PTPRB: variants seen among roughly 807,000 people sequenced by gnomAD.
The protein encoded by PTPRB is protein tyrosine phosphatase receptor type B.
In PTPRB, 97 loss-of-function variants were observed where a neutral mutation model predicts 238.1. That is an observed-to-expected ratio of 0.41 (90% CI 0.35 to 0.48). The LOEUF (loss-of-function observed/expected upper bound fraction) is 0.48, where lower values mean the gene tolerates loss of function less well. Ranked by LOEUF, PTPRB falls within the 20% of genes least tolerant of loss-of-function variation. The probability of loss-of-function intolerance (pLI) is 0.30; values close to 1 mark genes in which losing one functional copy is unlikely to be tolerated. For missense variants in PTPRB, 2,292 were observed against 2,681.9 expected (o/e 0.85, Z 3.21); for synonymous variants, 970 against 995.4 (o/e 0.97, Z 0.48).
intron 6 of PTPRB, among the ~76,000 whole-genome samples, chr12:70,593,597 G>A (rs571943333): frequency 4.0e-5 from 6 of 149,222 alleles, no homozygotes; most frequent in African/African-American, 1.2e-4. Flanking sequence ...ATTTGCTCTT[G>A]ATGTACATAA....
At chr12:70,609,874 G>T (rs1884307456) in intron 3 of PTPRB, 2 of 1,514,058 alleles carry the variant, frequency 1.3e-6, no homozygotes, top group Admixed American at 2.0e-5. Flanking sequence ...ACGGCCCGAG[G>T]GCCGGGGCAG....
Position 70,636,024 on chromosome 12 carries a change from A to G in PTPRB, c.98T>C (p.Phe33Ser), listed in dbSNP as rs764808191. The change falls in exon 2 of 34, where the codon TTC becomes TCC. Residue 33 changes from phenylalanine (F) to serine (S), a missense_variant. By Grantham distance (155) the Phe-to-Ser change is radical (BLOSUM62 -2). This residue lies in a region of PTPRB where 1,205 missense variants were observed against 1,287.8 expected (regional missense o/e 0.94). Coordinates refer to ENST00000334414, the MANE Select transcript of PTPRB (RefSeq NM_001109754.4). The part of the protein sequence containing the change: ...IVHVQKQQCL[F>S]KNEKVVVGSC... Reference sequence around the variant, plus strand: ...GCCCACGACCACTTTCTCATTTTTGAAAAGACACTGTTGTTTCTGGACATG... The same window carrying G: ...GCCCACGACCACTTTCTCATTTTTGGAAAGACACTGTTGTTTCTGGACATG... 6.2e-7 allele frequency: 1 copy of G among 1,613,512 alleles called. No individual in the cohort carries two copies. Among genetic ancestry groups the G allele is most frequent in the South Asian group, 1.1e-5 (1 of 90,968 alleles).
intron 4 of PTPRB, among the ~76,000 whole-genome samples, chr12:70,603,836 G>A (rs1229605577): frequency 6.6e-6 from 1 of 152,112 alleles, no homozygotes; most frequent in Non-Finnish European, 1.5e-5. Flanking sequence ...AGCGGTAGAG[G>A]CAGTCTACCT....
intron 3 of PTPRB, 112 bp from the exon 4 acceptor site, chr12:70,609,451 T>G (rs1884250600): frequency 1.4e-6 from 2 of 1,382,696 alleles, no homozygotes; most frequent in East Asian, 4.6e-5. Context: ...CTTTGTCCCT[T>G]GCCTCAGCCA....
rs752378962 is a variant in PTPRB at position 70,556,117 on chromosome 12, C to A, written c.4746G>T (p.Arg1582=). ...KPDKIQNLHC[R]PQNSTAIACS... ...AGGCAATGGCCGTGGAGTTCTGAGG[C>A]CGGCAATGCAGGTTTTGTATCTTGT... The change falls in exon 19 of 34, where the codon CGG becomes CGT. Residue 1582 remains arginine (R), a synonymous_variant. Coordinates refer to ENST00000334414, the MANE Select transcript of PTPRB (RefSeq NM_001109754.4). 2 of 1,613,682 alleles carry A rather than the reference C, an allele frequency of 1.2e-6. No homozygotes were observed. Among genetic ancestry groups the A allele is most frequent in the Non-Finnish European group, 1.7e-6 (2 of 1,179,700 alleles).
At chr12:70,543,541 G>T (rs1875498639) in intron 22 of PTPRB, among the ~76,000 whole-genome samples, 2 of 152,160 alleles carry the variant, frequency 1.3e-5, no homozygotes, top group African/African-American at 2.4e-5. Flanking sequence ...TTGAAATTGG[G>T]AGATTATCCC....
At position 70,635,908 on chromosome 12, in the gene PTPRB, A is replaced by G; in HGVS notation, c.214T>C (p.Ser72Pro). 1 of 1,613,808 alleles carries G rather than the reference A, an allele frequency of 6.2e-7. No homozygotes were observed. Among genetic ancestry groups the G allele is most frequent in the Non-Finnish European group, 8.5e-7 (1 of 1,179,866 alleles). Residue 72 changes from serine (S) to proline (P), a missense_variant, in exon 2 of 34, where the codon TCC becomes CCC. This residue lies in a region of PTPRB where 1,205 missense variants were observed against 1,287.8 expected (regional missense o/e 0.94). Transcript: ENST00000334414. ...HVKSALCLAI[S>P]NSSRGPSRSA... Reference sequence around the variant, plus strand: ...CGGGAGGGGCCGCGGGAAGAGTTGGAGATGGCCAAGCACAGTGCAGATTTA... The same window carrying G: ...CGGGAGGGGCCGCGGGAAGAGTTGGGGATGGCCAAGCACAGTGCAGATTTA...
At chr12:70,585,367 A>G (rs1442143490) in intron 9 of PTPRB, 1 of 152,094 alleles carries the variant, frequency 6.6e-6, no homozygotes, top group East Asian at 1.9e-4. Flanking sequence ...ATCTGCACCC[A>G]CATATTCTCT....
intron 5 of PTPRB, among the ~76,000 whole-genome samples, chr12:70,594,962 G>C (rs1306987779): frequency 1.3e-5 from 2 of 152,042 alleles, no homozygotes; most frequent in Non-Finnish European, 2.9e-5. Context: ...CACTTAATAG[G>C]TATTAAGGTG....
chr12:70,602,074 C>T (rs1053057362), intron 4 of PTPRB, among the ~76,000 whole-genome samples: 4 of 152,192 alleles, frequency 2.6e-5, no homozygotes, highest in South Asian at 2.1e-4. Context: ...GGATTACAGG[C>T]GTGAGCCACC....
intron 15 of PTPRB, 69 bp from the exon 16 acceptor site, chr12:70,563,176 G>A: frequency 7.0e-7 from 1 of 1,422,516 alleles, no homozygotes; most frequent in South Asian, 1.3e-5. Context: ...AGGTGGGGAA[G>A]AGGGAAAAGC....
chr12:70,551,741 A>T (rs184901059), intron 21 of PTPRB, among the ~76,000 whole-genome samples: 184 of 152,316 alleles, frequency 1.2e-3, no homozygotes, highest in African/African-American at 3.5e-3. Flanking sequence ...GTTGGATGTC[A>T]GTAGCTCTAT....
chr12:70,524,324 A>G lies in PTPRB; in HGVS notation c.6625+147T>C, dbSNP rs1872023380. 3 of 799,416 alleles carry G rather than the reference A, an allele frequency of 3.8e-6. No homozygotes were observed. In the Middle Eastern group the frequency reaches 8.7e-4, roughly 231 times the overall value. 49.5% of individuals were successfully genotyped at this position (799,416 alleles called of 1,614,324 possible). A position where few individuals can be genotyped will look rare whatever the true frequency, so the allele number is the denominator to read the frequency against. ...GAGATAGGATCTCCCTATGTTGCCC[A>G]GGCTGGTTTCAAACTCTTAGGCTCA... On this transcript the variant is annotated intron_variant, in intron 33 of 33. Transcript: ENST00000334414.
At chr12:70,564,983 A>G (rs1204404159) in intron 15 of PTPRB, among the ~76,000 whole-genome samples, 1 of 151,706 alleles carries the variant, frequency 6.6e-6, no homozygotes, top group Admixed American at 6.6e-5. Flanking sequence ...AACCTCCTAC[A>G]TCTTTTACTT....
At chr12:70,626,099 A>G (rs1885161431) in intron 2 of PTPRB, among the ~76,000 whole-genome samples, 1 of 151,850 alleles carries the variant, frequency 6.6e-6, no homozygotes, top group Non-Finnish European at 1.5e-5. Flanking sequence ...GATACAAATA[A>G]CTTTTAAGCA....
Position 70,560,958 on chromosome 12 carries a change from C to A in PTPRB, c.4169-24G>T. ...GACTTAAACAGAAGAAAAATTGTTA[C>A]TGAGAACAAAACAGAAACACAGGCA... On this transcript the variant is annotated intron_variant, in intron 16 of 33. Coordinates refer to ENST00000334414, the MANE Select transcript of PTPRB (RefSeq NM_001109754.4). This position sits in a 1 kb window ranked among gnomAD's most constrained non-coding sequence, Gnocchi z 4.2. 3 of 1,603,738 alleles carry A rather than the reference C, an allele frequency of 1.9e-6. No individual in the cohort carries two copies. The highest frequency in any genetic ancestry group is 2.6e-6 in the Non-Finnish European group (3 of 1,171,856).
intron 3 of PTPRB, among the ~76,000 whole-genome samples, chr12:70,621,385 C>T (rs897482848): frequency 3.9e-5 from 6 of 152,058 alleles, no homozygotes; most frequent in African/African-American, 1.4e-4. Context: ...TGTTAATGAA[C>T]TGAGAGTAAG....
chr12:70,624,910 G>C (rs1338138038), intron 2 of PTPRB, among the ~76,000 whole-genome samples: 2 of 152,028 alleles, frequency 1.3e-5, no homozygotes, highest in African/African-American at 4.8e-5. Flanking sequence ...GGATAAAACT[G>C]GACTTTCCCA....
At chr12:70,530,305 TAA>T (rs1203343533) in intron 32 of PTPRB, among the ~76,000 whole-genome samples, 1 of 152,200 alleles carries the variant, frequency 6.6e-6, no homozygotes, top group Non-Finnish European at 1.5e-5. Context: ...GTCATAGTTT[TAA>T]AGAGTATCTC....
Sources: gnomAD v4.1 joint callset for allele counts (sites outside exome capture counted in the v4.1 genomes callset) on GRCh38, gnomAD v4.1.1 for gene constraint, gnomAD v4.1.1 regional missense constraint, Gnocchi (gnomAD v3.1) non-coding constraint, MANE v1.5 for transcripts, NCBI Gene and HGNC (gene_info 2026-07-23, HGNC 2026-07-21) for gene names.